Variants in CSMD1 observed in about 807,000 individuals in gnomAD.
CSMD1 encodes the protein CUB and sushi domain-containing protein 1.
A neutral mutation model predicts 417.5 loss-of-function variants in CSMD1; 213 were observed. That is an observed-to-expected ratio of 0.51 (90% CI 0.46 to 0.57). The LOEUF (loss-of-function observed/expected upper bound fraction) is 0.57. Among genes scored for constraint, CSMD1 ranks in the 20% least tolerant of loss-of-function variants. CSMD1 has a pLI of 0.00. For missense variants in CSMD1, 6,923 were observed against 4,529.7 expected (o/e 1.53, Z -15.17); for synonymous variants, 2,862 against 1,736.8 (o/e 1.65, Z -16.11).
chr8:3,368,603 T>A (rs1809753895), intron 19 of CSMD1, among the ~76,000 whole-genome samples: 1 of 152,198 alleles, frequency 6.6e-6, no homozygotes, highest in African/African-American at 2.4e-5. Flanking sequence ...CCTCCCGAAC[T>A]GCTGGGATTA....
At chr8:4,968,933 G>C (rs1484224545) in intron 1 of CSMD1, among the ~76,000 whole-genome samples, 2 of 152,112 alleles carry the variant, frequency 1.3e-5, no homozygotes, top group East Asian at 1.9e-4. Flanking sequence ...CAAACATTTT[G>C]TCATTCTCTC....
chr8:4,560,907 G>A (rs868271976), intron 2 of CSMD1, among the ~76,000 whole-genome samples: 18 of 152,240 alleles, frequency 1.2e-4, no homozygotes, highest in African/African-American at 3.9e-4. Flanking sequence ...ACTCAAACAG[G>A]TTCACTTATC....
chr8:3,825,175 G>C (rs6984269), intron 5 of CSMD1, among the ~76,000 whole-genome samples: 50,871 of 151,944 alleles, frequency 0.33, 8,765 homozygotes, highest in African/African-American at 0.35. Flanking sequence ...CTGTAGGTGA[G>C]GGTTTAGCGT....
chr8:4,627,705 C>T (rs1017220082), intron 2 of CSMD1, among the ~76,000 whole-genome samples: 4 of 152,084 alleles, frequency 2.6e-5, no homozygotes, highest in Non-Finnish European at 5.9e-5. Flanking sequence ...GCTGCCTCTG[C>T]CCCGCCAAAA....
In CSMD1 at chr8:4,994,736, C is replaced by A. The variant is rs1221262574; in HGVS notation, c.-320G>T. On this transcript the variant is annotated 5_prime_UTR_variant, in exon 1 of 70. Coordinates refer to ENST00000635120, the MANE Select transcript of CSMD1 (RefSeq NM_033225.6). The stretch of plus-strand genomic sequence containing the variant: ...GGCGAGGCTGCGGGAGGGGGAGAAG[C>A]GGGGAGAGGAGCGCGCGCAGCCAGG... The A allele has an allele frequency of 1.0e-5, 3 of 288,954 alleles. No individual in the cohort carries two copies. Among genetic ancestry groups the A allele is most frequent in the East Asian group, 7.5e-5 (1 of 13,308 alleles). The allele number at this position is 288,954 out of a possible 1,614,324, so 17.9% of individuals were successfully genotyped here. A position where few individuals can be genotyped will look rare whatever the true frequency, so the allele number is the denominator to read the frequency against.
intron 6 of CSMD1, among the ~76,000 whole-genome samples, chr8:3,732,335 G>A (rs572334461): frequency 4.6e-5 from 7 of 151,694 alleles, no homozygotes; most frequent in Middle Eastern, 6.8e-3. Context: ...TAACCTGTGT[G>A]GATCACAGCC....
At chr8:4,228,920 G>A (rs926338070) in intron 3 of CSMD1, among the ~76,000 whole-genome samples, 2 of 151,992 alleles carry the variant, frequency 1.3e-5, no homozygotes, top group Non-Finnish European at 2.9e-5. Context: ...GACTGCCTCG[G>A]TCTCCAAAAG....
chr8:4,204,885 T>C (rs567116219), intron 3 of CSMD1, among the ~76,000 whole-genome samples: 1 of 152,274 alleles, frequency 6.6e-6, no homozygotes, highest in Non-Finnish European at 1.5e-5. Context: ...GGTCCTGAAC[T>C]CCTGTCCTCA....
At chr8:4,802,772 C>G (rs569509339) in intron 1 of CSMD1, among the ~76,000 whole-genome samples, 1 of 152,162 alleles carries the variant, frequency 6.6e-6, no homozygotes, top group Non-Finnish European at 1.5e-5. Context: ...TACTCATTCT[C>G]GCTTCCTGAC....
At chr8:4,016,798 C>T (rs1179595155) in intron 4 of CSMD1, among the ~76,000 whole-genome samples, 2 of 152,078 alleles carry the variant, frequency 1.3e-5, no homozygotes, top group Non-Finnish European at 1.5e-5. Context: ...TTTTTTTGGT[C>T]GTTGTTTTAT....
At chr8:3,107,966 ATATTAT>A (rs1215118829) in intron 44 of CSMD1, among the ~76,000 whole-genome samples, 168 bp from the exon 45 acceptor site, 2 of 152,220 alleles carry the variant, frequency 1.3e-5, no homozygotes, top group Non-Finnish European at 2.9e-5. Flanking sequence ...TCAAATGTTC[ATATTAT>A]TATTTAGTGC....
At chr8:3,259,264 G>A (rs540763220) in intron 26 of CSMD1, among the ~76,000 whole-genome samples, 79 of 152,300 alleles carry the variant, frequency 5.2e-4, no homozygotes, top group African/African-American at 9.6e-5. Flanking sequence ...AATGGAAGAC[G>A]TATGCATTTA....
At chr8:3,539,947 A>G (rs183142481) in intron 10 of CSMD1, among the ~76,000 whole-genome samples, 2 of 152,310 alleles carry the variant, frequency 1.3e-5, no homozygotes, top group African/African-American at 2.4e-5. Flanking sequence ...TCTGTTTCCC[A>G]TAAATTGTAG....
intron 1 of CSMD1, among the ~76,000 whole-genome samples, chr8:4,805,391 A>G (rs1237274142): frequency 1.3e-5 from 2 of 152,158 alleles, no homozygotes; most frequent in African/African-American, 4.8e-5. Flanking sequence ...ATCTAATGTG[A>G]TAAATTATTT....
intron 27 of CSMD1, among the ~76,000 whole-genome samples, chr8:3,226,061 C>G (rs1798484177): frequency 6.6e-6 from 1 of 152,126 alleles, no homozygotes; most frequent in Non-Finnish European, 1.5e-5. Context: ...TTAACGAGAC[C>G]CATCTACGTT....
At chr8:3,862,735 G>C (rs1249180111) in intron 5 of CSMD1, among the ~76,000 whole-genome samples, 1 of 152,136 alleles carries the variant, frequency 6.6e-6, no homozygotes, top group Non-Finnish European at 1.5e-5. Context: ...GGGAGGCTAG[G>C]AGAAATGATT....
At chr8:3,524,989 G>C (rs1189474010) in intron 10 of CSMD1, among the ~76,000 whole-genome samples, 4 of 152,168 alleles carry the variant, frequency 2.6e-5, no homozygotes, top group Non-Finnish European at 5.9e-5. Context: ...CAGGAAAAAT[G>C]ATAATGTATG....
intron 50 of CSMD1, among the ~76,000 whole-genome samples, chr8:3,040,730 G>C (rs13260656): frequency 0.44 from 67,268 of 151,904 alleles, 16,648 homozygotes; most frequent in Non-Finnish European, 0.56. Flanking sequence ...TTGAACCCGA[G>C]AGACAGAGGT....
chr8:4,665,634 G>C (rs991638278), intron 1 of CSMD1, among the ~76,000 whole-genome samples: 4 of 152,112 alleles, frequency 2.6e-5, no homozygotes, highest in African/African-American at 9.7e-5. Context: ...TTTTGCAATG[G>C]CTTATTCCAC....
Sources: gnomAD v4.1 joint callset for allele counts (sites outside exome capture counted in the v4.1 genomes callset) on GRCh38, gnomAD v4.1.1 for gene constraint, MANE v1.5 for transcripts, NCBI Gene and HGNC (gene_info 2026-07-23, HGNC 2026-07-21) for gene names.